TMEM117: variants seen among roughly 807,000 people sequenced by gnomAD.
The protein encoded by TMEM117 is transmembrane protein 117.
A neutral mutation model predicts 52.4 loss-of-function variants in TMEM117; 27 were observed. The ratio of observed to expected loss-of-function variants is 0.51; its 90% CI spans 0.38 to 0.71. The LOEUF (loss-of-function observed/expected upper bound fraction) is 0.71, where lower values mean the gene tolerates loss of function less well. Among genes scored for constraint, TMEM117 ranks in the 30% least tolerant of loss-of-function variants. The probability of loss-of-function intolerance (pLI) is 0.00; values close to 1 mark genes in which losing one functional copy is unlikely to be tolerated. For missense variants in TMEM117, 556 were observed against 630.5 expected, an observed-to-expected ratio of 0.88 and a Z score of 1.26; for synonymous variants, 215 against 206.3, an observed-to-expected ratio of 1.04 and a Z score of -0.36.
intron 2 of TMEM117, among the ~76,000 whole-genome samples, chr12:43,928,114 A>G (rs1944810677): frequency 6.6e-6 from 1 of 151,966 alleles, no homozygotes; most frequent in African/African-American, 2.4e-5. Flanking sequence ...TTTACTATGT[A>G]TATTTAAAAA....
chr12:44,120,595 A>T (rs920701454), intron 3 of TMEM117, among the ~76,000 whole-genome samples: 1 of 152,144 alleles, frequency 6.6e-6, no homozygotes, highest in Admixed American at 6.5e-5. Context: ...CTGCCTGTAG[A>T]CATTGTCTGA....
chr12:44,018,309 A>G (rs1372019573), intron 3 of TMEM117, among the ~76,000 whole-genome samples: 1 of 152,206 alleles, frequency 6.6e-6, no homozygotes, highest in Admixed American at 6.5e-5. Context: ...CTCCTTTTTT[A>G]TGCTTCAGAT....
chr12:43,865,374 G>A (rs1037723353), intron 2 of TMEM117, among the ~76,000 whole-genome samples: 9 of 152,174 alleles, frequency 5.9e-5, no homozygotes, highest in African/African-American at 2.2e-4. Flanking sequence ...TTGGGCTATA[G>A]GAGTTGCCGC....
At chr12:44,272,503 C>T (rs143382363) in intron 5 of TMEM117, among the ~76,000 whole-genome samples, 2,673 of 152,034 alleles carry the variant, frequency 0.018, 64 homozygotes, top group East Asian at 0.057. Context: ...CTAGAATCTA[C>T]AAAGAACTCA....
At chr12:43,930,363 T>A (rs1195645190) in intron 2 of TMEM117, among the ~76,000 whole-genome samples, 1 of 152,208 alleles carries the variant, frequency 6.6e-6, no homozygotes, top group East Asian at 1.9e-4. Flanking sequence ...TTATTTTTTC[T>A]GGTATTTTGT....
chr12:43,826,961 A>G, the TMEM117 span, among the ~76,000 whole-genome samples: 1 of 151,926 alleles, frequency 6.6e-6, no homozygotes, highest in Non-Finnish European at 1.5e-5. Flanking sequence ...TGACCAAAAT[A>G]CCCTTTTGAC....
rs1310784860 is a variant in TMEM117 at position 43,925,848 on chromosome 12, T to A, written c.278-18362T>A. On this transcript the variant is annotated intron_variant, in intron 2 of 7. Transcript: ENST00000266534. ...ATCATGTGCTTCAGATGCAATGTTG[T>A]GTTGCCTATTTCATTTGACATTTAG... 5.9e-5 allele frequency among the ~76,000 whole-genome samples: 9 copies of A among 152,302 alleles called. No homozygotes were observed. The East Asian group carries it at 1.5e-3, about 26-fold the overall frequency.
chr12:44,209,447 G>T (rs370911331), intron 4 of TMEM117, among the ~76,000 whole-genome samples: 1 of 152,044 alleles, frequency 6.6e-6, no homozygotes, highest in Admixed American at 6.6e-5. Context: ...AAAAATCATC[G>T]ATGAACTAGT....
In TMEM117 at chr12:44,028,476, T is replaced by A. The variant is rs182326327; in HGVS notation, c.410+84134T>A. 2.7e-3 allele frequency among the ~76,000 whole-genome samples: 414 copies of A among 152,202 alleles called. 4 individuals are homozygous for A. Among genetic ancestry groups the A allele is most frequent in the African/African-American group, 9.4e-3 (390 of 41,542 alleles). ...ATCAAAGGTCAGCACAAAATACAGGTCATAAAGACTTTGCTAATAAAACAG... is the reference window on the plus strand; with the variant it reads ...ATCAAAGGTCAGCACAAAATACAGGACATAAAGACTTTGCTAATAAAACAG... On this transcript the variant is annotated intron_variant, in intron 3 of 7. Transcript: ENST00000266534.
At chr12:44,281,245 AC>A (rs1035768748) in intron 5 of TMEM117, among the ~76,000 whole-genome samples, 12 of 152,222 alleles carry the variant, frequency 7.9e-5, no homozygotes, top group African/African-American at 2.9e-4. Flanking sequence ...TTTTTGTGTT[AC>A]TTTTATTTTA....
chr12:44,119,794 G>A (rs1426313883), intron 3 of TMEM117, among the ~76,000 whole-genome samples: 1 of 152,172 alleles, frequency 6.6e-6, no homozygotes, highest in Non-Finnish European at 1.5e-5. Flanking sequence ...AACCTCTTAG[G>A]AAGTGGGCTA....
intron 3 of TMEM117, among the ~76,000 whole-genome samples, chr12:43,946,661 G>A (rs1427158586): frequency 1.3e-5 from 2 of 152,158 alleles, no homozygotes; most frequent in Non-Finnish European, 2.9e-5. Context: ...GAGGACTAGA[G>A]ACATTTTGCC....
chr12:44,225,171 T>G, intron 5 of TMEM117, among the ~76,000 whole-genome samples: 1 of 152,204 alleles, frequency 6.6e-6, no homozygotes, highest in Admixed American at 6.5e-5. Flanking sequence ...CTTAGTATAC[T>G]TTATTCAGTT....
chr12:43,830,389 A>G, the TMEM117 span, among the ~76,000 whole-genome samples: 4 of 151,972 alleles, frequency 2.6e-5, no homozygotes, highest in Non-Finnish European at 5.9e-5. Flanking sequence ...CAGGTGGATC[A>G]CGAGGTCAGG....
intron 3 of TMEM117, among the ~76,000 whole-genome samples, chr12:44,088,299 C>A (rs1947606273): frequency 6.6e-6 from 1 of 152,130 alleles, no homozygotes; most frequent in Non-Finnish European, 1.5e-5. Context: ...CCAGTGTTTT[C>A]TCTTTGATTT....
At chr12:44,116,560 G>C (rs1361518458) in intron 3 of TMEM117, among the ~76,000 whole-genome samples, 1 of 152,068 alleles carries the variant, frequency 6.6e-6, no homozygotes, top group African/African-American at 2.4e-5. Flanking sequence ...TCTTTCTCTT[G>C]ATCCCGGTGC....
At chr12:44,186,096 A>G (rs1949274850) in intron 4 of TMEM117, among the ~76,000 whole-genome samples, 1 of 152,234 alleles carries the variant, frequency 6.6e-6, no homozygotes, top group African/African-American at 2.4e-5. Context: ...GGTGGAATGC[A>G]GAATGATCAG....
chr12:44,311,440 G>A (rs967642984), intron 6 of TMEM117, among the ~76,000 whole-genome samples: 5 of 151,986 alleles, frequency 3.3e-5, no homozygotes, highest in South Asian at 2.1e-4. Flanking sequence ...TCTAAAGAGG[G>A]TGAATGCCAA....
At chr12:44,169,328 T>C (rs1315535351) in intron 4 of TMEM117, among the ~76,000 whole-genome samples, 1 of 152,258 alleles carries the variant, frequency 6.6e-6, no homozygotes, top group Non-Finnish European at 1.5e-5. Context: ...AGGATTCCAG[T>C]TTCTCTATGT....
Sources: allele counts gnomAD v4.1 joint callset (sites outside exome capture counted in the v4.1 genomes callset), GRCh38; gene constraint gnomAD v4.1.1; transcripts MANE v1.5; gene names NCBI Gene and HGNC (gene_info 2026-07-23, HGNC 2026-07-21).